The following PLXDC2 variants were observed in gnomAD, a reference collection of about 807,000 sequenced individuals.
PLXDC2 encodes plexin domain containing 2, also known as plexin domain-containing protein 2.
PLXDC2 carries 40 observed loss-of-function variants against 68.9 expected under a neutral mutation model. The observed-to-expected ratio is 0.58, with a 90% CI of 0.45 to 0.76. The LOEUF (loss-of-function observed/expected upper bound fraction) is 0.76. Ranked by LOEUF, PLXDC2 falls within the 30% of genes least tolerant of loss-of-function variation. The pLI is 0.00. For missense variants in PLXDC2, 644 were observed against 661.9 expected (o/e 0.97, Z 0.30); for synonymous variants, 243 against 234.2 (o/e 1.04, Z -0.34).
chr10:20,002,760 A>T (rs539598074), intron 2 of PLXDC2, among the ~76,000 whole-genome samples: 1 of 152,256 alleles, frequency 6.6e-6, no homozygotes, highest in East Asian at 1.9e-4. Context: ...GAGTTCACCT[A>T]ACTGATGACC....
intron 13 of PLXDC2, among the ~76,000 whole-genome samples, chr10:20,266,043 T>C (rs1471108455): frequency 6.6e-6 from 1 of 152,154 alleles, no homozygotes; most frequent in Non-Finnish European, 1.5e-5. Context: ...GAGATAAACT[T>C]CTACTTTATT....
At chr10:19,846,008 C>A (rs996196654) in intron 1 of PLXDC2, among the ~76,000 whole-genome samples, 20 of 152,284 alleles carry the variant, frequency 1.3e-4, no homozygotes, top group African/African-American at 4.8e-4. Context: ...CTCAGTAGGT[C>A]TCTATCTATG....
chr10:20,273,505 G>T (rs1408714156), intron 13 of PLXDC2, among the ~76,000 whole-genome samples: 1 of 151,832 alleles, frequency 6.6e-6, no homozygotes, highest in Admixed American at 6.6e-5. Flanking sequence ...CGACTTCTAG[G>T]ACATATACAT....
At chr10:20,032,027 G>T (rs909363209) in intron 2 of PLXDC2, among the ~76,000 whole-genome samples, 8 of 152,002 alleles carry the variant, frequency 5.3e-5, no homozygotes, top group Non-Finnish European at 1.2e-4. Context: ...CACCATGTTG[G>T]CCAGGCTGGT....
chr10:20,259,800 CTGGAGCAG>C (rs1370882796), intron 13 of PLXDC2, among the ~76,000 whole-genome samples: 2 of 152,174 alleles, frequency 1.3e-5, no homozygotes, highest in Non-Finnish European at 2.9e-5. Context: ...TCTGAAGGGG[CTGGAGCAG>C]TATAGCACAA....
At chr10:19,974,271 A>G (rs999981071) in intron 1 of PLXDC2, among the ~76,000 whole-genome samples, 3 of 152,252 alleles carry the variant, frequency 2.0e-5, no homozygotes, top group Non-Finnish European at 4.4e-5. Flanking sequence ...TAGTTCCACA[A>G]TCTTCAACAA....
chr10:20,144,170 A>G (rs1373631247), intron 5 of PLXDC2, among the ~76,000 whole-genome samples: 4 of 152,182 alleles, frequency 2.6e-5, no homozygotes, highest in Non-Finnish European at 5.9e-5. Flanking sequence ...GATTAAATAT[A>G]GAATTTTCTG....
chr10:19,991,683 A>G (rs7923280), intron 1 of PLXDC2, among the ~76,000 whole-genome samples: 1 of 152,022 alleles, frequency 6.6e-6, no homozygotes, highest in Non-Finnish European at 1.5e-5. Flanking sequence ...CTGAATATAA[A>G]GTTATGACAA....
At chr10:20,239,439 C>T (rs1194590934) in intron 12 of PLXDC2, among the ~76,000 whole-genome samples, 1 of 152,042 alleles carries the variant, frequency 6.6e-6, no homozygotes, top group African/African-American at 2.4e-5. Context: ...CCTCAGGAAA[C>T]CTACAATCAT....
At chr10:20,265,268 A>G (rs1223808351) in intron 13 of PLXDC2, among the ~76,000 whole-genome samples, 1 of 152,234 alleles carries the variant, frequency 6.6e-6, no homozygotes, top group Admixed American at 6.5e-5. Flanking sequence ...GATAAACAAA[A>G]TGACCAGAAA....
At chr10:20,271,851 TG>T (rs1274467419) in intron 13 of PLXDC2, among the ~76,000 whole-genome samples, 1 of 152,152 alleles carries the variant, frequency 6.6e-6, no homozygotes, top group African/African-American at 2.4e-5. Context: ...GTAGAAGGGA[TG>T]GAAGTGGATA....
At chr10:19,856,379 G>C (rs4748614) in intron 1 of PLXDC2, among the ~76,000 whole-genome samples, 1,899 of 144,248 alleles carry the variant, frequency 0.013, 83 homozygotes, top group African/African-American at 0.045. Flanking sequence ...CACACACACA[G>C]ACACACACAC....
rs1554781439 is a variant in PLXDC2, at chr10:20,287,979, C to CCGGGGGGGGGGGGGG, written c.*8160_*8161insCGGGGGGGGGGGGGG. 8.1e-5 allele frequency: 1 copy of CCGGGGGGGGGGGGGG among 12,398 alleles called. No individual in the cohort carries two copies. The highest frequency in any genetic ancestry group is 3.3e-4 in the African/African-American group (1 of 2,990). The allele number at this position is 12,398 out of a possible 1,614,324, so 0.8% of individuals were successfully genotyped here. ...AGAAGAAATTGGGCACTTCTTGCGGCGGGGGAGGGGGGGGGGGCGGTGGCT... is the reference window on the plus strand; with the variant it reads ...AGAAGAAATTGGGCACTTCTTGCGGCCGGGGGGGGGGGGGGGGGGGAGGGGGGGGGGGCGGTGGCT... On this transcript the variant is annotated 3_prime_UTR_variant, in exon 14 of 14. Coordinates refer to ENST00000377252, the MANE Select transcript of PLXDC2 (RefSeq NM_032812.9).
At chr10:19,964,058 C>T (rs1000624063) in intron 1 of PLXDC2, among the ~76,000 whole-genome samples, 2 of 152,126 alleles carry the variant, frequency 1.3e-5, no homozygotes, top group Non-Finnish European at 2.9e-5. Flanking sequence ...ACAGCATCAT[C>T]GGTTATAAGC....
intron 1 of PLXDC2, among the ~76,000 whole-genome samples, chr10:19,915,070 C>T (rs1275762381): frequency 6.6e-6 from 1 of 151,974 alleles, no homozygotes; most frequent in Non-Finnish European, 1.5e-5. Flanking sequence ...ATTTACTCTA[C>T]CAATCTCTGT....
At chr10:20,084,678 C>T (rs1833165286) in intron 4 of PLXDC2, among the ~76,000 whole-genome samples, 1 of 151,958 alleles carries the variant, frequency 6.6e-6, no homozygotes, top group Non-Finnish European at 1.5e-5. Context: ...AACTTCCAGA[C>T]CATGAGATTC....
chr10:20,132,799 A>G (rs1311927857), intron 4 of PLXDC2, among the ~76,000 whole-genome samples: 1 of 151,684 alleles, frequency 6.6e-6, no homozygotes, highest in Non-Finnish European at 1.5e-5. Context: ...CAACCACTAT[A>G]TGTCTTTTGA....
chr10:20,026,023 C>T (rs1027899641), intron 2 of PLXDC2, among the ~76,000 whole-genome samples: 14 of 152,078 alleles, frequency 9.2e-5, no homozygotes, highest in Non-Finnish European at 2.1e-4. Context: ...TTTACTTTTA[C>T]AAGCATTGAA....
intron 10 of PLXDC2, among the ~76,000 whole-genome samples, chr10:20,215,866 T>C (rs1172517833): frequency 6.6e-6 from 1 of 152,012 alleles, no homozygotes; most frequent in Non-Finnish European, 1.5e-5. Flanking sequence ...AGAATCATGA[T>C]GGGATTGCAG....
Sources: gnomAD v4.1 joint callset for allele counts (sites outside exome capture counted in the v4.1 genomes callset) on GRCh38, gnomAD v4.1.1 for gene constraint, MANE v1.5 for transcripts, NCBI Gene and HGNC (gene_info 2026-07-23, HGNC 2026-07-21) for gene names.